The following PRCP variants were observed in gnomAD, a reference collection of about 807,000 sequenced individuals.
PRCP encodes the protein lysosomal Pro-X carboxypeptidase.
Under a neutral mutation model 54.2 loss-of-function variants are expected in PRCP, and 46 were observed. The observed-to-expected ratio is 0.85, with a 90% CI of 0.67 to 1.09. The LOEUF (loss-of-function observed/expected upper bound fraction) is 1.09, where lower values mean the gene tolerates loss of function less well. PRCP is among the 50% of genes least tolerant of loss of function. The pLI is 0.00. For synonymous variants in PRCP, 240 were observed against 212.2 expected (o/e 1.13, Z -1.14); for missense variants, 613 against 596.8 (o/e 1.03, Z -0.28).
chr11:82,873,083 A>ATTTTTT (rs1565230944), intron 1 of PRCP, among the ~76,000 whole-genome samples: 26 of 134,862 alleles, frequency 1.9e-4, no homozygotes, highest in Non-Finnish European at 3.1e-4. Flanking sequence ...TTTTTTTAAA[A>ATTTTTT]AAAAAGAAAG....
intron 1 of PRCP, among the ~76,000 whole-genome samples, chr11:82,864,133 C>T (rs905656787): frequency 1.3e-5 from 2 of 152,190 alleles, no homozygotes; most frequent in South Asian, 2.1e-4. Flanking sequence ...ATCCTAAGCA[C>T]GGAGTACTTA....
intron 1 of PRCP, among the ~76,000 whole-genome samples, chr11:82,872,244 G>A (rs1037948833): frequency 6.6e-6 from 1 of 152,184 alleles, no homozygotes. Context: ...GCGAAGAAGG[G>A]AGGACTACTG....
At chr11:82,880,444 C>A (rs1298293864) in intron 1 of PRCP, among the ~76,000 whole-genome samples, 1 of 152,226 alleles carries the variant, frequency 6.6e-6, no homozygotes, top group Non-Finnish European at 1.5e-5. Flanking sequence ...TCTGTCATGG[C>A]TTTCCTTGGC....
At chr11:82,880,392 G>C (rs746702271) in intron 1 of PRCP, among the ~76,000 whole-genome samples, 29 of 152,196 alleles carry the variant, frequency 1.9e-4, no homozygotes, top group Non-Finnish European at 2.8e-4. Flanking sequence ...CATTGGAAAA[G>C]CACAGTATTA....
At chr11:82,894,563 G>A (rs566424836) in intron 1 of PRCP, among the ~76,000 whole-genome samples, 2 of 152,212 alleles carry the variant, frequency 1.3e-5, no homozygotes, top group South Asian at 4.1e-4. Context: ...GAGATCTAGA[G>A]GGTTAGGCAA....
intron 1 of PRCP, among the ~76,000 whole-genome samples, chr11:82,888,803 C>T (rs1042350320): frequency 2.0e-5 from 3 of 152,176 alleles, no homozygotes; most frequent in African/African-American, 7.2e-5. Flanking sequence ...ATACACACAC[C>T]TTCCTTACCT....
intron 8 of PRCP, chr11:82,828,330 C>T (rs1367069706): frequency 6.6e-6 from 1 of 151,956 alleles, no homozygotes; most frequent in East Asian, 1.9e-4. Flanking sequence ...GTAAGAAAAG[C>T]ATAAGCTTTG....
chr11:82,826,241 T>C (rs1323437348), intron 8 of PRCP: 2 of 152,250 alleles, frequency 1.3e-5, no homozygotes, highest in Admixed American at 6.5e-5. Flanking sequence ...CTTTTGTAAC[T>C]GGTCTCTTTC....
At chr11:82,893,574 T>C (rs1860050010) in intron 1 of PRCP, among the ~76,000 whole-genome samples, 1 of 152,112 alleles carries the variant, frequency 6.6e-6, no homozygotes, top group Non-Finnish European at 1.5e-5. Flanking sequence ...AGAGAATTGC[T>C]TGAGGACAAG....
chr11:82,826,745 A>G (rs765275563), intron 8 of PRCP: 1 of 152,154 alleles, frequency 6.6e-6, no homozygotes, highest in Non-Finnish European at 1.5e-5. Flanking sequence ...CCATTTTTAT[A>G]TCTTCTTTGG....
chr11:82,882,642 C>T (rs1859775928), intron 1 of PRCP, among the ~76,000 whole-genome samples: 2 of 149,848 alleles, frequency 1.3e-5, no homozygotes, highest in African/African-American at 5.0e-5. Flanking sequence ...ACTACAGGCG[C>T]CCGCCACTAC....
At chr11:82,859,063 G>T (rs1317839111) in intron 2 of PRCP, among the ~76,000 whole-genome samples, 1 of 152,142 alleles carries the variant, frequency 6.6e-6, no homozygotes, top group Non-Finnish European at 1.5e-5. Context: ...CTGGCATTAG[G>T]GATAATACAT....
Position 82,853,166 on chromosome 11 carries a change from A to C in PRCP, c.411+11T>G. On this transcript the variant is annotated intron_variant, in intron 3 of 8. Transcript: ENST00000313010. ...AAAAGCTTGTAACTTTTAAGTAAAAAGTATCTTTACCTTGAATGAGTTGTC... is the reference window on the plus strand; with the variant it reads ...AAAAGCTTGTAACTTTTAAGTAAAACGTATCTTTACCTTGAATGAGTTGTC... 1.3e-6 allele frequency: 2 copies of C among 1,560,838 alleles called. No individual in the cohort carries two copies. The highest frequency in any genetic ancestry group is 2.4e-5 in the South Asian group (2 of 84,744).
chr11:82,900,411 C>G lies in PRCP; in HGVS notation c.-9G>C. On this transcript the variant is annotated 5_prime_UTR_variant, in exon 1 of 9. Coordinates refer to ENST00000313010, the MANE Select transcript of PRCP (RefSeq NM_005040.4). ...AGGGCTCGGCGGCCCATGGCTCAGG[C>G]TGGAGACTGCAGTGCGGGTGGGAGG... The G allele has an allele frequency of 6.2e-7, 1 of 1,612,706 alleles. No individual in the cohort carries two copies. Among genetic ancestry groups the G allele is most frequent in the Non-Finnish European group, 8.5e-7 (1 of 1,179,776 alleles).
At chr11:82,829,678 C>A (rs772014959) in intron 8 of PRCP, 1 of 152,044 alleles carries the variant, frequency 6.6e-6, no homozygotes, top group Non-Finnish European at 1.5e-5. Flanking sequence ...CCATGAGAGC[C>A]GAGATTTTTG....
In PRCP at chr11:82,882,447, G is replaced by A. The variant is rs556009729; in HGVS notation, c.168+17788C>T. Among the ~76,000 whole-genome samples the A allele has an allele frequency of 4.6e-4, 69 of 151,606 alleles. 1 individual carries two copies. Among genetic ancestry groups the A allele is most frequent in the African/African-American group, 1.5e-3 (63 of 41,274 alleles). ...AGCAGTACAGACAGAATCCCATTCT[G>A]TAGGCACTCACTACCTGGGAGGACC... On this transcript the variant is annotated intron_variant, in intron 1 of 8. Transcript: ENST00000313010.
At position 82,850,004 on chromosome 11, in the gene PRCP, T is replaced by C; in HGVS notation, c.661A>G (p.Ile221Val). The change falls in exon 5 of 9, where the codon ATC becomes GTC. Residue 221 changes from isoleucine to valine, a missense_variant. Ile to Val is a conservative substitution (Grantham distance 29). Coordinates refer to ENST00000313010, the MANE Select transcript of PRCP (RefSeq NM_005040.4). ...DLVPCGVFMK[I>V]VTTDFRKSGP... ...CTTTTCCTAAAATCTGTAGTTACGA[T>C]CTTCATAAATACACCACAAGGTACT... 1 of 1,559,990 alleles carries C rather than the reference T, an allele frequency of 6.4e-7. No homozygotes were observed. The highest frequency in any genetic ancestry group is 1.2e-5 in the South Asian group (1 of 83,216).
rs1270455355 is a variant in PRCP, at chr11:82,849,347, A to T, written c.752-129T>A. The T allele has an allele frequency of 9.6e-6, 10 of 1,041,500 alleles. No individual in the cohort carries two copies. In the East Asian group the frequency reaches 2.4e-4, roughly 25 times the overall value. 64.5% of individuals were successfully genotyped at this position (1,041,500 alleles called of 1,614,324 possible). A position where few individuals can be genotyped will look rare whatever the true frequency, so the allele number is the denominator to read the frequency against. On this transcript the variant is annotated intron_variant, in intron 5 of 8. Coordinates refer to ENST00000313010, the MANE Select transcript of PRCP (RefSeq NM_005040.4). ...ATACCCCTTCTCCCAGGATATTTTC[A>T]GAGCAACTGGAGAATCCCATGACAG...
Position 82,853,042 on chromosome 11 carries a change from G to C in PRCP, c.411+135C>G, listed in dbSNP as rs140980278. 3.0e-3 allele frequency: 1,675 copies of C among 557,210 alleles called. 19 individuals carry two copies. Among genetic ancestry groups the C allele is most frequent in the African/African-American group, 0.03 (1,528 of 51,102 alleles). 34.5% of individuals were successfully genotyped at this position (557,210 alleles called of 1,614,324 possible). A position where few individuals can be genotyped will look rare whatever the true frequency, so the allele number is the denominator to read the frequency against. ...AGTCTGTTCAAATTGTATCTAAAAAGAAACTATTAAATATAAACTATTGAG... is the reference window on the plus strand; with the variant it reads ...AGTCTGTTCAAATTGTATCTAAAAACAAACTATTAAATATAAACTATTGAG... On this transcript the variant is annotated intron_variant, in intron 3 of 8. Coordinates refer to ENST00000313010, the MANE Select transcript of PRCP (RefSeq NM_005040.4).
Sources: gnomAD v4.1 joint callset for allele counts (sites outside exome capture counted in the v4.1 genomes callset) on GRCh38, gnomAD v4.1.1 for gene constraint, MANE v1.5 for transcripts, NCBI Gene and HGNC (gene_info 2026-07-23, HGNC 2026-07-21) for gene names.